The following ELOVL2 variants were observed in gnomAD, a reference collection of about 807,000 sequenced individuals.
ELOVL2 encodes very long chain fatty acid elongase 2.
Under a neutral mutation model 37.7 loss-of-function variants are expected in ELOVL2, and 38 were observed. That is an observed-to-expected ratio of 1.01 (90% CI 0.78 to 1.32). The LOEUF is 1.32. ELOVL2 is among the 40% of genes most tolerant of loss of function. The probability of loss-of-function intolerance (pLI) is 0.00; values close to 1 mark genes in which losing one functional copy is unlikely to be tolerated. For missense variants in ELOVL2, 352 were observed against 363.6 expected, an observed-to-expected ratio of 0.97 and a Z score of 0.26; for synonymous variants, 115 against 122.3, an observed-to-expected ratio of 0.94 and a Z score of 0.40.
At chr6:11,042,101 T>G (rs1783106542) in intron 1 of ELOVL2, among the ~76,000 whole-genome samples, 1 of 151,916 alleles carries the variant, frequency 6.6e-6, no homozygotes, top group Admixed American at 6.6e-5. Flanking sequence ...TCACTTGAGG[T>G]CAGGAGTTAG....
intron 5 of ELOVL2, among the ~76,000 whole-genome samples, chr6:10,993,674 T>G (rs570055963): frequency 1.3e-5 from 2 of 152,178 alleles, no homozygotes; most frequent in Middle Eastern, 3.4e-3. Context: ...ATTAATCTCA[T>G]GTCTACACTT....
intron 4 of ELOVL2, among the ~76,000 whole-genome samples, chr6:10,995,668 C>T (rs571846378): frequency 9.2e-5 from 14 of 152,326 alleles, no homozygotes; most frequent in Non-Finnish European, 1.8e-4. Flanking sequence ...GAACTTCACC[C>T]AGCCCTTTCC....
chr6:11,044,169 T>C lies in ELOVL2; in HGVS notation c.3+59A>G. The C allele has an allele frequency of 1.4e-6, 2 of 1,440,076 alleles. No individual in the cohort carries two copies. Among genetic ancestry groups the C allele is most frequent in the Non-Finnish European group, 9.1e-7 (1 of 1,093,234 alleles). The allele number at this position is 1,440,076 out of a possible 1,614,324, so 89.2% of individuals were successfully genotyped here. A position where few individuals can be genotyped will look rare whatever the true frequency, so the allele number is the denominator to read the frequency against. ...GCTCGGCCCTTTCCCGCCCGGTGCG[T>C]GGGTCCAGGAGAGAAAGAAAGCGCG... On this transcript the variant is annotated intron_variant, in intron 1 of 7. Coordinates refer to ENST00000354666, the MANE Select transcript of ELOVL2 (RefSeq NM_017770.4). This position sits in a 1 kb window ranked among gnomAD's most constrained non-coding sequence, Gnocchi z 5.6.
intron 4 of ELOVL2, among the ~76,000 whole-genome samples, chr6:10,995,535 G>A (rs1782252142): frequency 6.6e-6 from 1 of 152,116 alleles, no homozygotes; most frequent in African/African-American, 2.4e-5. Context: ...CTGTGTGCTG[G>A]AACAGTGGCC....
chr6:10,985,781 T>C (rs1210731789), intron 7 of ELOVL2, among the ~76,000 whole-genome samples: 3 of 152,174 alleles, frequency 2.0e-5, no homozygotes, highest in Non-Finnish European at 4.4e-5. Flanking sequence ...TCAGGTAGCG[T>C]GATGCCTCCA....
At chr6:11,037,030 G>C (rs1031299076) in intron 1 of ELOVL2, among the ~76,000 whole-genome samples, 3 of 146,726 alleles carry the variant, frequency 2.0e-5, no homozygotes, top group African/African-American at 7.6e-5. Context: ...GAGGGAGAGA[G>C]AGACAGAGGA....
chr6:11,002,913 A>G (rs2113505280), intron 3 of ELOVL2, among the ~76,000 whole-genome samples: 1 of 152,340 alleles, frequency 6.6e-6, no homozygotes, highest in Non-Finnish European at 1.5e-5. Context: ...CAATCCTTAC[A>G]AGTCACTCAA....
At position 10,983,697 on chromosome 6, in the gene ELOVL2, A is replaced by T. The variant is rs530777765; in HGVS notation, c.*84T>A. On this transcript the variant is annotated 3_prime_UTR_variant, in exon 8 of 8. Coordinates refer to ENST00000354666, the MANE Select transcript of ELOVL2 (RefSeq NM_017770.4). ...ACTCAAAAGAAATTAGTTTATCCTA[A>T]AACATGTAACCTTCAATTCAGTCTT... The T allele has an allele frequency of 2.1e-6, 3 of 1,426,564 alleles. No homozygotes were observed. In the South Asian group the frequency reaches 4.3e-5, roughly 21 times the overall value. The allele number at this position is 1,426,564 out of a possible 1,614,324, so 88.4% of individuals were successfully genotyped here. A position where few individuals can be genotyped will look rare whatever the true frequency, so the allele number is the denominator to read the frequency against.
At chr6:10,984,760 T>C (rs1308955631) in intron 7 of ELOVL2, among the ~76,000 whole-genome samples, 1 of 151,820 alleles carries the variant, frequency 6.6e-6, no homozygotes, top group Non-Finnish European at 1.5e-5. Context: ...CAGTCTATCA[T>C]TGTTGGACAT....
chr6:11,015,915 C>T (rs1039609522), intron 1 of ELOVL2: 1 of 152,150 alleles, frequency 6.6e-6, no homozygotes, highest in African/African-American at 2.4e-5. Flanking sequence ...ACTGCTTTAT[C>T]CTCAAAACCC....
chr6:11,021,921 T>C (rs3756963), intron 1 of ELOVL2, among the ~76,000 whole-genome samples: 36,326 of 151,880 alleles, frequency 0.24, 4,400 homozygotes, highest in Middle Eastern at 0.31. Flanking sequence ...CCTAAGGAGG[T>C]GCGTTGGTGG....
At chr6:11,015,398 T>C (rs761997396) in intron 1 of ELOVL2, among the ~76,000 whole-genome samples, 2 of 152,088 alleles carry the variant, frequency 1.3e-5, no homozygotes, top group Non-Finnish European at 2.9e-5. Context: ...AATGGATCTA[T>C]GTAATTGAAG....
Position 11,010,822 on chromosome 6 carries a change from A to G in ELOVL2, c.4-13T>C. On this transcript the variant is annotated splice_polypyrimidine_tract_variant and intron_variant, in intron 1 of 7. Transcript: ENST00000354666. ...CCTTTAGATGTTCCTAAAAAGAGAA[A>G]GAAAAAATGATTTAAGTGTTTTTTT... 6.3e-7 allele frequency: 1 copy of G among 1,594,184 alleles called. No individual in the cohort carries two copies.
chr6:11,004,192 G>A (rs1412086126), intron 3 of ELOVL2, among the ~76,000 whole-genome samples: 1 of 151,896 alleles, frequency 6.6e-6, no homozygotes, highest in Non-Finnish European at 1.5e-5. Context: ...GTCATTTATG[G>A]TAATATTAAT....
intron 2 of ELOVL2, among the ~76,000 whole-genome samples, chr6:11,008,200 G>A (rs1395162524): frequency 6.6e-6 from 1 of 152,114 alleles, no homozygotes; most frequent in Non-Finnish European, 1.5e-5. Context: ...TAGACACCTT[G>A]TCAGTGTGGA....
In ELOVL2 at chr6:11,027,497, A is replaced by T. The variant is rs536011841; in HGVS notation, c.4-16688T>A. ...TTCTTACTACTCTGTAAGGTAGCAC[A>T]TTCCATTTTAAAAATGTTTCTTGTT... is the stretch of plus-strand genomic sequence containing the variant. On this transcript the variant is annotated intron_variant, in intron 1 of 7. Coordinates refer to ENST00000354666, the MANE Select transcript of ELOVL2 (RefSeq NM_017770.4). 5.9e-5 allele frequency among the ~76,000 whole-genome samples: 9 copies of T among 152,288 alleles called. No homozygotes were observed. The South Asian group carries it at 1.5e-3, about 25-fold the overall frequency.
chr6:11,020,775 A>C (rs530762015), intron 1 of ELOVL2, among the ~76,000 whole-genome samples: 1 of 152,340 alleles, frequency 6.6e-6, no homozygotes, highest in South Asian at 2.1e-4. Flanking sequence ...TAATAGGTTA[A>C]ATTTTTACAA....
At chr6:11,034,256 C>T (rs1782976414) in intron 1 of ELOVL2, among the ~76,000 whole-genome samples, 1 of 152,164 alleles carries the variant, frequency 6.6e-6, no homozygotes, top group Admixed American at 6.5e-5. Flanking sequence ...ATTTCAAAAG[C>T]CTAATTGTTC....
chr6:11,044,110 C>T lies in ELOVL2; in HGVS notation c.3+118G>A. ...CGGCCCCTCCGAGGGTAGCGGGTTC[C>T]AGCGGCGAACCCGCAGCGCCCGCGC... On this transcript the variant is annotated intron_variant, in intron 1 of 7. Coordinates refer to ENST00000354666, the MANE Select transcript of ELOVL2 (RefSeq NM_017770.4). This position sits in a 1 kb window ranked among gnomAD's most constrained non-coding sequence, Gnocchi z 5.6. The T allele has an allele frequency of 2.4e-6, 3 of 1,268,740 alleles. No homozygotes were observed. The highest frequency in any genetic ancestry group is 3.1e-6 in the Non-Finnish European group (3 of 983,056). The allele number at this position is 1,268,740 out of a possible 1,614,324, so 78.6% of individuals were successfully genotyped here.
Sources: allele counts gnomAD v4.1 joint callset (sites outside exome capture counted in the v4.1 genomes callset), GRCh38; gene constraint gnomAD v4.1.1; non-coding constraint Gnocchi (gnomAD v3.1); transcripts MANE v1.5; gene names NCBI Gene and HGNC (gene_info 2026-07-23, HGNC 2026-07-21).